The following YARS1 variants were observed in gnomAD, a reference collection of about 807,000 sequenced individuals.
The protein encoded by YARS1 is tyrosyl-tRNA synthetase 1.
A neutral mutation model predicts 62.2 loss-of-function variants in YARS1; 36 were observed. That is an observed-to-expected ratio of 0.58 (90% CI 0.44 to 0.76). The LOEUF (loss-of-function observed/expected upper bound fraction) is 0.76. Among genes scored for constraint, YARS1 ranks in the 30% least tolerant of loss-of-function variants. The pLI is 0.00. For synonymous variants in YARS1, 234 were observed against 244.9 expected, an observed-to-expected ratio of 0.96 and a Z score of 0.42; for missense variants, 524 against 639.8, an observed-to-expected ratio of 0.82 and a Z score of 1.95.
intron 5 of YARS1, among the ~76,000 whole-genome samples, chr1:32,796,676 T>C (rs1410809236): frequency 6.6e-6 from 1 of 151,770 alleles, no homozygotes; most frequent in African/African-American, 2.4e-5. Context: ...AAAAAATTTA[T>C]ATTGTGGCTG....
intron 5 of YARS1, among the ~76,000 whole-genome samples, chr1:32,795,805 C>CAA (rs200173836): frequency 9.4e-5 from 7 of 74,458 alleles, no homozygotes; most frequent in Admixed American, 4.1e-4. Context: ...GACTCCCTCT[C>CAA]AAAAAAAAAA....
At chr1:32,794,169 G>A (rs61057925) in intron 5 of YARS1, among the ~76,000 whole-genome samples, 20,843 of 152,074 alleles carry the variant, frequency 0.14, 1,772 homozygotes, top group South Asian at 0.23. Flanking sequence ...GGCCAACATG[G>A]TGAAACCCCA....
At chr1:32,803,987 C>T (rs1202424894) in intron 4 of YARS1, among the ~76,000 whole-genome samples, 1 of 152,160 alleles carries the variant, frequency 6.6e-6, no homozygotes, top group African/African-American at 2.4e-5. Flanking sequence ...CAAAGCACAT[C>T]TTGCACCGCC....
rs115228430 is a variant in YARS1, at chr1:32,779,078, C to G, written c.1476+304G>C. Among the ~76,000 whole-genome samples, 2,567 of 152,190 alleles carry G rather than the reference C, an allele frequency of 0.017. 83 individuals are homozygous for G. The highest frequency in any genetic ancestry group is 0.059 in the African/African-American group (2,435 of 41,496). On this transcript the variant is annotated intron_variant, in intron 12 of 12. Coordinates refer to ENST00000373477, the MANE Select transcript of YARS1 (RefSeq NM_003680.4). ...TTCTGGTGACCCTATGTGGCCTTGT[C>G]AGGTATCCTGCCAGGTAAAATGGGG... is the stretch of plus-strand genomic sequence containing the variant.
In YARS1 at chr1:32,810,696, A is replaced by T; in HGVS notation, c.275T>A (p.Leu92His). The T allele has an allele frequency of 6.2e-7, 1 of 1,614,118 alleles. No homozygotes were observed. The highest frequency in any genetic ancestry group is 1.1e-5 in the South Asian group (1 of 91,082). The change falls in exon 3 of 13, where the codon CTC (leucine) becomes CAC (histidine). Residue 92 changes from leucine to histidine, a missense_variant. By Grantham distance (99) the Leu-to-His change is moderately conservative (BLOSUM62 -3). Coordinates refer to ENST00000373477, the MANE Select transcript of YARS1 (RefSeq NM_003680.4). ...CACATTCTCATAGTAACTGACTCGG[A>T]GTTCTAGAAGTTCCCATGGGGCTTT... ...NMKAPWELLE[L>H]RVSYYENVIK...
chr1:32,797,268 A>C (rs1222453241), intron 5 of YARS1, among the ~76,000 whole-genome samples: 1 of 151,378 alleles, frequency 6.6e-6, no homozygotes, highest in Non-Finnish European at 1.5e-5. Flanking sequence ...GCTACTTGGG[A>C]GGCTGAGGTG....
intron 4 of YARS1, among the ~76,000 whole-genome samples, chr1:32,799,918 C>T (rs1162153214): frequency 6.6e-6 from 1 of 152,090 alleles, no homozygotes; most frequent in Admixed American, 6.5e-5. Context: ...ATCCTCCTGC[C>T]TTGGACTTGG....
intron 5 of YARS1, among the ~76,000 whole-genome samples, chr1:32,792,013 G>A (rs1653426757): frequency 6.6e-6 from 1 of 152,096 alleles, no homozygotes; most frequent in African/African-American, 2.4e-5. Flanking sequence ...AGGGCTGGAG[G>A]AGGCTAGGGA....
chr1:32,793,730 TA>T (rs1653486731), intron 5 of YARS1, among the ~76,000 whole-genome samples: 1 of 152,082 alleles, frequency 6.6e-6, no homozygotes, highest in Admixed American at 6.6e-5. Flanking sequence ...ATATTATCTG[TA>T]AAGGAGAAAC....
chr1:32,797,815 T>C lies in YARS1; in HGVS notation c.539A>G (p.Asp180Gly), dbSNP rs1469041276. 1.2e-6 allele frequency: 2 copies of C among 1,614,068 alleles called. No individual in the cohort carries two copies. Among genetic ancestry groups the C allele is most frequent in the East Asian group, 2.2e-5 (1 of 44,892 alleles). The stretch of plus-strand genomic sequence containing the variant: ...CTGATCAATGCCTCCAAATTGGGCA[T>C]CTACTTTTAAATACTCTTCATCCAA... ...QALDEEYLKVDAQFGGIDQRK... is the reference protein window; with the variant it reads ...QALDEEYLKVGAQFGGIDQRK... Residue 180 changes from aspartate to glycine, a missense_variant, in exon 5 of 13, where the codon GAT (aspartate) becomes GGT (glycine). Asp to Gly is a moderately conservative substitution (Grantham distance 94, BLOSUM62 -1). Transcript: ENST00000373477.
Position 32,786,947 on chromosome 1 carries a change from A to G in YARS1, c.813T>C (p.Leu271=), listed in dbSNP as rs905448723. The change falls in exon 7 of 13, where the codon CTT becomes CTC. Residue 271 remains leucine (L), a synonymous_variant. Coordinates refer to ENST00000373477, the MANE Select transcript of YARS1 (RefSeq NM_003680.4). ...GAAAACAGAGAGTGTTACCGGACTT[A>G]AGGGGAAAAAGGACATGCTTGATGA... ...LSFIKHVLFP[L]KSEFVILRDE... The G allele has an allele frequency of 2.2e-5, 36 of 1,613,952 alleles. No homozygotes were observed. Among genetic ancestry groups the G allele is most frequent in the Non-Finnish European group, 2.8e-5 (33 of 1,180,008 alleles).
Position 32,780,181 on chromosome 1 carries a change from T to C in YARS1, c.1238A>G (p.Glu413Gly). 1 of 1,614,180 alleles carries C rather than the reference T, an allele frequency of 6.2e-7. No homozygotes were observed. Among genetic ancestry groups the C allele is most frequent in the Non-Finnish European group, 8.5e-7 (1 of 1,180,046 alleles). The stretch of plus-strand genomic sequence containing the variant: ...CACTACCAGCCTGTCCTGCAGTTCC[T>C]CCTTGGGCACGAACTGTACCAGGCC... ...VSGLVQFVPK[E>G]ELQDRLVVVL... The change falls in exon 11 of 13, where the codon GAG becomes GGG. Residue 413 changes from glutamate to glycine, a missense_variant. By Grantham distance (98) the Glu-to-Gly change is moderately conservative. Coordinates refer to ENST00000373477, the MANE Select transcript of YARS1 (RefSeq NM_003680.4).
At chr1:32,787,804 G>A (rs1379188778) in intron 6 of YARS1, among the ~76,000 whole-genome samples, 1 of 152,182 alleles carries the variant, frequency 6.6e-6, no homozygotes, top group African/African-American at 2.4e-5. Flanking sequence ...GTGAGCCACT[G>A]CACCCGGGCA....
At chr1:32,778,799 C>T (rs1460035925) in intron 12 of YARS1, among the ~76,000 whole-genome samples, 4 of 143,858 alleles carry the variant, frequency 2.8e-5, no homozygotes, top group Non-Finnish European at 4.5e-5. Context: ...AGTGCAATGG[C>T]GTGATCTTGG....
intron 4 of YARS1, 119 bp downstream of exon 4, chr1:32,806,363 C>A: frequency 6.4e-7 from 1 of 1,550,602 alleles, no homozygotes; most frequent in South Asian, 1.1e-5. Context: ...TGCCACACAC[C>A]TTCAATTTGT....
At chr1:32,784,614 C>T (rs1653161826) in intron 8 of YARS1, among the ~76,000 whole-genome samples, 2 of 152,096 alleles carry the variant, frequency 1.3e-5, no homozygotes. Flanking sequence ...ATAGTGTCTC[C>T]TCCACAAGCT....
At chr1:32,791,358 C>T in intron 5 of YARS1, 104 bp from the exon 6 acceptor site, 1 of 898,176 alleles carries the variant, frequency 1.1e-6, no homozygotes. Flanking sequence ...TGTTATATTG[C>T]TTCCAATCTT....
At chr1:32,788,354 G>C (rs367825316) in intron 6 of YARS1, among the ~76,000 whole-genome samples, 1 of 152,120 alleles carries the variant, frequency 6.6e-6, no homozygotes, top group African/African-American at 2.4e-5. Flanking sequence ...GCCATTAAGT[G>C]ATCTTCTGAC....
intron 4 of YARS1, among the ~76,000 whole-genome samples, chr1:32,805,464 T>C (rs933506412): frequency 1.3e-5 from 2 of 152,150 alleles, no homozygotes; most frequent in Non-Finnish European, 2.9e-5. Context: ...CACTACAATC[T>C]TCTCTATATC....
Sources: gnomAD v4.1 joint callset for allele counts (sites outside exome capture counted in the v4.1 genomes callset) on GRCh38, gnomAD v4.1.1 for gene constraint, MANE v1.5 for transcripts, NCBI Gene and HGNC (gene_info 2026-07-23, HGNC 2026-07-21) for gene names.